TFEC: variants seen among roughly 807,000 people sequenced by gnomAD.
TFEC encodes class E basic helix-loop-helix protein 34.
Under a neutral mutation model 41.6 loss-of-function variants are expected in TFEC, and 31 were observed. The ratio of observed to expected loss-of-function variants is 0.74; its 90% confidence interval spans 0.56 to 1.01. The LOEUF (loss-of-function observed/expected upper bound fraction) is 1.01. TFEC is among the 50% of genes least tolerant of loss of function. The pLI, the probability that TFEC is intolerant of heterozygous loss-of-function variation, is 0.00. For missense variants in TFEC, 402 were observed against 404.1 expected, an observed-to-expected ratio of 0.99 and a Z score of 0.04; for synonymous variants, 143 against 140.6, an observed-to-expected ratio of 1.02 and a Z score of -0.12.
intron 1 of TFEC, among the ~76,000 whole-genome samples, chr7:116,007,631 T>A (rs574374673): frequency 6.6e-6 from 1 of 152,320 alleles, no homozygotes; most frequent in East Asian, 1.9e-4. Context: ...AGTTCTTGTA[T>A]GTGTTTCAGA....
intron 1 of TFEC, among the ~76,000 whole-genome samples, chr7:115,996,297 C>G (rs914902589): frequency 2.0e-5 from 3 of 152,012 alleles, no homozygotes; most frequent in Admixed American, 6.6e-5. Context: ...CATTGCAGAG[C>G]CTAGCTCATG....
At chr7:116,129,266 T>G (rs1315737813) in intron 1 of TFEC, among the ~76,000 whole-genome samples, 7 of 152,172 alleles carry the variant, frequency 4.6e-5, no homozygotes. Flanking sequence ...GAGACAGTGG[T>G]TCTTTAGATA....
intron 3 of TFEC, among the ~76,000 whole-genome samples, chr7:116,044,792 A>G (rs867382149): frequency 3.3e-5 from 5 of 152,238 alleles, no homozygotes; most frequent in African/African-American, 1.2e-4. Flanking sequence ...TTCCACTTGT[A>G]ACCTGCCTCT....
At chr7:116,138,139 G>T (rs1798470128) in intron 1 of TFEC, among the ~76,000 whole-genome samples, 1 of 152,106 alleles carries the variant, frequency 6.6e-6, no homozygotes, top group South Asian at 2.1e-4. Flanking sequence ...TCATGTACAG[G>T]ATCTATTAAA....
intron 3 of TFEC, among the ~76,000 whole-genome samples, chr7:116,070,538 T>C (rs796359824): frequency 1.1e-4 from 17 of 151,484 alleles, no homozygotes; most frequent in Admixed American, 5.9e-4. Context: ...ATGAGTATCA[T>C]TGGGTCATGA....
intron 3 of TFEC, among the ~76,000 whole-genome samples, chr7:116,070,857 A>C (rs1277254250): frequency 6.6e-6 from 1 of 151,398 alleles, no homozygotes; most frequent in Non-Finnish European, 1.5e-5. Flanking sequence ...ATTCACCAAA[A>C]GTGTATTAGA....
chr7:116,091,748 C>G (rs1418826724), intron 3 of TFEC, among the ~76,000 whole-genome samples: 1 of 151,884 alleles, frequency 6.6e-6, no homozygotes, highest in African/African-American at 2.4e-5. Flanking sequence ...TCATTCAAGG[C>G]TGAAAATGTG....
At chr7:116,045,522 T>C (rs941619798) in intron 3 of TFEC, among the ~76,000 whole-genome samples, 4 of 152,188 alleles carry the variant, frequency 2.6e-5, no homozygotes, top group Admixed American at 6.5e-5. Context: ...TGCGTGTACA[T>C]AGAAGTCAGA....
At chr7:116,153,243 TTTG>T (rs1423111575) in intron 1 of TFEC, among the ~76,000 whole-genome samples, 3 of 146,870 alleles carry the variant, frequency 2.0e-5, no homozygotes, top group Non-Finnish European at 4.6e-5. Context: ...TGTGGGTGTT[TTTG>T]TTTTGTTTCG....
intron 3 of TFEC, among the ~76,000 whole-genome samples, chr7:116,090,619 G>A (rs1399698285): frequency 6.6e-6 from 1 of 152,080 alleles, no homozygotes; most frequent in African/African-American, 2.4e-5. Flanking sequence ...TTAGGTGAAA[G>A]TAGAAAATAC....
At chr7:115,950,126 C>G (rs1791853316) in intron 6 of TFEC, among the ~76,000 whole-genome samples, 1 of 151,658 alleles carries the variant, frequency 6.6e-6, no homozygotes, top group Admixed American at 6.6e-5. Context: ...ATTCTCCCAC[C>G]TCAGCCTCCT....
intron 1 of TFEC, among the ~76,000 whole-genome samples, chr7:116,119,299 G>GA (rs1481113119): frequency 2.0e-5 from 3 of 151,656 alleles, no homozygotes; most frequent in Admixed American, 6.6e-5. Flanking sequence ...ACATTATACA[G>GA]AAAAATAGTA....
intron 3 of TFEC, among the ~76,000 whole-genome samples, chr7:116,089,073 G>A (rs1166468015): frequency 6.6e-6 from 1 of 152,034 alleles, no homozygotes; most frequent in African/African-American, 2.4e-5. Flanking sequence ...CCATGCCACT[G>A]TTTCATTATT....
chr7:116,115,161 T>C (rs185567234), intron 1 of TFEC, among the ~76,000 whole-genome samples: 1 of 152,164 alleles, frequency 6.6e-6, no homozygotes, highest in Admixed American at 6.6e-5. Flanking sequence ...ACGGAGCCTA[T>C]AATACTCATC....
In TFEC at chr7:115,936,737, T is replaced by A. The variant is rs1039472798; in HGVS notation, c.*3814A>T. ...CATTATGGTAAATGAGCACACCAAA[T>A]CAAGACATTCTTTGTATCTGTTTTT... is the stretch of plus-strand genomic sequence containing the variant. On this transcript the variant is annotated 3_prime_UTR_variant, in exon 8 of 8. Transcript: ENST00000265440. 6.6e-6 allele frequency: 1 copy of A among 151,508 alleles called. No individual in the cohort carries two copies. The highest frequency in any genetic ancestry group is 6.6e-5 in the Admixed American group (1 of 15,194). 9.4% of individuals were successfully genotyped at this position (151,508 alleles called of 1,614,324 possible).
chr7:115,961,360 T>G (rs993257521), intron 3 of TFEC, among the ~76,000 whole-genome samples: 2 of 151,532 alleles, frequency 1.3e-5, no homozygotes, highest in Non-Finnish European at 1.5e-5. Flanking sequence ...AATTTTAAAA[T>G]ACAACAGAGA....
chr7:115,971,117 G>T (rs1793113917), intron 3 of TFEC, among the ~76,000 whole-genome samples: 1 of 151,900 alleles, frequency 6.6e-6, no homozygotes, highest in Non-Finnish European at 1.5e-5. Flanking sequence ...CTGCTTTCTT[G>T]GTTCTCACTC....
chr7:116,149,395 T>C (rs908402015), intron 1 of TFEC, among the ~76,000 whole-genome samples: 4 of 152,136 alleles, frequency 2.6e-5, no homozygotes, highest in Non-Finnish European at 4.4e-5. Context: ...AGACATAAAC[T>C]ATTAGAACTG....
intron 3 of TFEC, among the ~76,000 whole-genome samples, chr7:116,094,415 T>C (rs1797401632): frequency 6.6e-6 from 1 of 151,656 alleles, no homozygotes; most frequent in South Asian, 2.1e-4. Flanking sequence ...GCGTGGTGGC[T>C]CACGCCTGTA....
Sources: gnomAD v4.1 joint callset for allele counts (sites outside exome capture counted in the v4.1 genomes callset) on GRCh38, gnomAD v4.1.1 for gene constraint, MANE v1.5 for transcripts, NCBI Gene and HGNC (gene_info 2026-07-23, HGNC 2026-07-21) for gene names.